Variants in RBFOX1 observed in about 807,000 individuals in gnomAD.
RBFOX1 encodes the protein RNA binding fox-1 homolog 1, also known as RNA binding protein fox-1 homolog 1.
Under a neutral mutation model 57.7 loss-of-function variants are expected in RBFOX1, and 8 were observed. That is an observed-to-expected ratio of 0.14 (90% CI 0.08 to 0.25). The LOEUF (loss-of-function observed/expected upper bound fraction) is 0.25, where lower values mean the gene tolerates loss of function less well. RBFOX1 is among the 10% of genes least tolerant of loss of function. The pLI is 1.00. For synonymous variants in RBFOX1, 326 were observed against 222.4 expected (o/e 1.47, Z -4.15); for missense variants, 611 against 548.5 (o/e 1.11, Z -1.14).
At chr16:5,577,985 C>G (rs981701855) in intron 2 of RBFOX1, among the ~76,000 whole-genome samples, 1 of 152,196 alleles carries the variant, frequency 6.6e-6, no homozygotes, top group Non-Finnish European at 1.5e-5. Context: ...CAGAGTCTCT[C>G]TCTGTTGCCA....
chr16:5,813,330 C>A lies in RBFOX1; in HGVS notation c.319-53973C>A, dbSNP rs146402570. Among the ~76,000 whole-genome samples the A allele has an allele frequency of 5.1e-4, 77 of 152,284 alleles. 1 individual carries two copies. Among genetic ancestry groups the A allele is most frequent in the African/African-American group, 1.8e-3 (73 of 41,556 alleles). On this transcript the variant is annotated intron_variant, in intron 3 of 19. Transcript: ENST00000641259. Reference sequence around the variant, plus strand: ...TAAATGCACCCACAACATTGTACAACCATTATGGTTCCAGAACTTTTTCGT... The same window carrying A: ...TAAATGCACCCACAACATTGTACAAACATTATGGTTCCAGAACTTTTTCGT...
chr16:5,864,641 G>A (rs2057302617), intron 3 of RBFOX1, among the ~76,000 whole-genome samples: 1 of 151,370 alleles, frequency 6.6e-6, no homozygotes. Flanking sequence ...TTTAATGTCA[G>A]CATATAAGAA....
intron 2 of RBFOX1, among the ~76,000 whole-genome samples, chr16:6,374,615 TG>T (rs1164150561): frequency 1.3e-5 from 2 of 152,218 alleles, no homozygotes; most frequent in African/African-American, 4.8e-5. Context: ...TTACTCTAGC[TG>T]AAAATGTCTT....
chr16:6,642,682 A>G (rs1049348416), intron 2 of RBFOX1, among the ~76,000 whole-genome samples: 8 of 152,008 alleles, frequency 5.3e-5, no homozygotes, highest in African/African-American at 1.9e-4. Context: ...GAAAGAAGTC[A>G]AGATGAAAAG....
chr16:6,423,522 C>G (rs1051551977), intron 2 of RBFOX1, among the ~76,000 whole-genome samples: 14 of 152,236 alleles, frequency 9.2e-5, no homozygotes, highest in African/African-American at 2.4e-4. Context: ...TTGCTCGAAC[C>G]TGGGAGGTGA....
At chr16:6,135,463 A>C (rs941712430) in intron 1 of RBFOX1, among the ~76,000 whole-genome samples, 1 of 152,166 alleles carries the variant, frequency 6.6e-6, no homozygotes, top group Non-Finnish European at 1.5e-5. Context: ...AAATTTTGCC[A>C]CTTGTCCTGA....
intron 3 of RBFOX1, among the ~76,000 whole-genome samples, chr16:6,695,595 T>C (rs1282741214): frequency 1.3e-5 from 2 of 152,096 alleles, no homozygotes; most frequent in Non-Finnish European, 2.9e-5. Context: ...TGATGAGCAC[T>C]CTCAATATAT....
intron 3 of RBFOX1, among the ~76,000 whole-genome samples, chr16:5,739,597 G>GA: frequency 6.6e-6 from 1 of 152,304 alleles, no homozygotes; most frequent in African/African-American, 2.4e-5. Context: ...TAGAAGGAGA[G>GA]AAAATTGAGG....
chr16:5,717,121 G>A (rs1421301086), intron 3 of RBFOX1, among the ~76,000 whole-genome samples: 2 of 152,080 alleles, frequency 1.3e-5, no homozygotes, highest in South Asian at 4.1e-4. Context: ...AGAGGGTCTG[G>A]TAGAAAGAGC....
At chr16:5,309,576 C>T (rs745953130) in intron 1 of RBFOX1, among the ~76,000 whole-genome samples, 38 of 152,160 alleles carry the variant, frequency 2.5e-4, no homozygotes, top group Middle Eastern at 3.4e-3. Context: ...TATTGCATAG[C>T]GGTGAAGTGT....
intron 3 of RBFOX1, among the ~76,000 whole-genome samples, chr16:6,826,260 C>G (rs746629471): frequency 6.6e-6 from 1 of 152,058 alleles, no homozygotes; most frequent in Non-Finnish European, 1.5e-5. Context: ...ACCTGTAATC[C>G]CAGCACTTTG....
At chr16:6,749,492 C>T (rs2074480369) in intron 3 of RBFOX1, among the ~76,000 whole-genome samples, 1 of 152,250 alleles carries the variant, frequency 6.6e-6, no homozygotes, top group South Asian at 2.1e-4. Flanking sequence ...TCCCCACTTT[C>T]CAGATAAGGA....
intron 3 of RBFOX1, among the ~76,000 whole-genome samples, chr16:6,879,896 C>G (rs773753090): frequency 3.9e-5 from 6 of 152,192 alleles, no homozygotes; most frequent in Non-Finnish European, 5.9e-5. Context: ...ACAGTTAAAT[C>G]TGATCATTTC....
chr16:7,020,024 G>C (rs1020977918), intron 3 of RBFOX1, among the ~76,000 whole-genome samples: 1 of 150,638 alleles, frequency 6.6e-6, no homozygotes, highest in Non-Finnish European at 1.5e-5. Flanking sequence ...CCTCAGGAAG[G>C]CGTCTGTAGT....
chr16:6,886,866 A>G (rs1002431115), intron 3 of RBFOX1, among the ~76,000 whole-genome samples: 1 of 150,254 alleles, frequency 6.7e-6, no homozygotes, highest in Non-Finnish European at 1.5e-5. Context: ...AAAATAAAAG[A>G]GATGCTTCCG....
At chr16:5,956,298 A>G (rs1436613739) in intron 4 of RBFOX1, among the ~76,000 whole-genome samples, 2 of 152,136 alleles carry the variant, frequency 1.3e-5, no homozygotes, top group African/African-American at 4.8e-5. Flanking sequence ...AACAAACTAA[A>G]TATGTATTAA....
chr16:5,677,860 A>G (rs892252426), intron 3 of RBFOX1, among the ~76,000 whole-genome samples: 1 of 152,182 alleles, frequency 6.6e-6, no homozygotes, highest in Non-Finnish European at 1.5e-5. Context: ...GATTATGGGT[A>G]TGAGGGGTGC....
intron 1 of RBFOX1, among the ~76,000 whole-genome samples, chr16:5,431,714 T>G (rs1337399001): frequency 5.3e-5 from 8 of 152,282 alleles, no homozygotes; most frequent in Admixed American, 1.3e-4. Context: ...GCGATTGTCT[T>G]GCGGGACTAC....
At chr16:7,709,883 A>C (rs2083673275) in intron 15 of RBFOX1, 9 of 1,100,224 alleles carry the variant, frequency 8.2e-6, no homozygotes, top group Non-Finnish European at 1.0e-5. Flanking sequence ...TGCAATCATT[A>C]CAAAGCTTTG....
Sources: allele counts gnomAD v4.1 joint callset (sites outside exome capture counted in the v4.1 genomes callset), GRCh38; gene constraint gnomAD v4.1.1; transcripts MANE v1.5; gene names NCBI Gene and HGNC (gene_info 2026-07-23, HGNC 2026-07-21).